Variants in BAIAP2 observed in about 807,000 individuals in gnomAD.
The protein encoded by BAIAP2 is BAR/IMD domain containing adaptor protein 2, also known as BAR/IMD domain-containing adapter protein 2.
Under a neutral mutation model 63.0 loss-of-function variants are expected in BAIAP2, and 18 were observed. That is an observed-to-expected ratio of 0.29 (90% CI 0.20 to 0.42). BAIAP2 has a LOEUF of 0.42. Ranked by LOEUF, BAIAP2 falls within the 10% of genes least tolerant of loss-of-function variation. The pLI is 1.00. For synonymous variants in BAIAP2, 386 were observed against 307.6 expected (o/e 1.25, Z -2.67); for missense variants, 610 against 734.3 (o/e 0.83, Z 1.96).
At chr17:81,037,494 C>T (rs1051342426) in intron 1 of BAIAP2, among the ~76,000 whole-genome samples, 1 of 152,226 alleles carries the variant, frequency 6.6e-6, no homozygotes, top group Non-Finnish European at 1.5e-5. Flanking sequence ...GGTTGGGCAG[C>T]TTTTGGCAAT....
intron 13 of BAIAP2, 69 bp downstream of exon 13, chr17:81,108,578 C>T (rs1568190529): frequency 3.8e-6 from 6 of 1,583,710 alleles, no homozygotes; most frequent in Non-Finnish European, 5.2e-6. Context: ...GGGCAGGTCC[C>T]TCTGCTAGGA....
intron 9 of BAIAP2, 141 bp from the exon 10 acceptor site, chr17:81,104,370 AGCT>A: frequency 2.1e-6 from 2 of 935,570 alleles, no homozygotes; most frequent in Non-Finnish European, 3.2e-6. Context: ...GGGAGCAGGT[AGCT>A]GCTGCTGCGG....
At position 81,100,645 on chromosome 17, in the gene BAIAP2, C is replaced by T. The variant is rs2058361327; in HGVS notation, c.642+565C>T. Among the ~76,000 whole-genome samples the T allele has an allele frequency of 4.6e-5, 7 of 152,310 alleles. No individual in the cohort carries two copies. In the South Asian group the frequency reaches 1.4e-3, roughly 32 times the overall value. On this transcript the variant is annotated intron_variant, in intron 7 of 13. Coordinates refer to ENST00000428708, the MANE Select transcript of BAIAP2 (RefSeq NM_001144888.2). ...CCTAGGCCACCCAAGACAACCATGACACTGGCCCCAGGTCCAGCAGCTGCC... is the reference window on the plus strand; with the variant it reads ...CCTAGGCCACCCAAGACAACCATGATACTGGCCCCAGGTCCAGCAGCTGCC...
At chr17:81,071,100 T>TGA (rs2052559666) in intron 3 of BAIAP2, among the ~76,000 whole-genome samples, 1 of 19,638 alleles carries the variant, frequency 5.1e-5, no homozygotes, top group Non-Finnish European at 2.0e-4. Context: ...CAGACATTGA[T>TGA]TTTTTTTTTT....
chr17:81,111,035 C>A, intron 13 of BAIAP2: 2 of 1,574,486 alleles, frequency 1.3e-6, no homozygotes, highest in Non-Finnish European at 1.7e-6. Context: ...CTCAGTCACG[C>A]AGCCTGGGTG....
At chr17:81,037,750 G>A (rs1385867880) in intron 1 of BAIAP2, among the ~76,000 whole-genome samples, 1 of 152,234 alleles carries the variant, frequency 6.6e-6, no homozygotes, top group Non-Finnish European at 1.5e-5. Flanking sequence ...CCCGCGATGC[G>A]GCTCAGCTGT....
chr17:81,114,057 TG>T (rs1291063012), intron 13 of BAIAP2, among the ~76,000 whole-genome samples: 12 of 147,548 alleles, frequency 8.1e-5, no homozygotes, highest in African/African-American at 3.0e-4. Context: ...CTCGCCCTCC[TG>T]GGTTCAAGCG....
chr17:81,104,871 C>G (rs1243445256), intron 10 of BAIAP2, among the ~76,000 whole-genome samples, 156 bp downstream of exon 10: 2 of 152,142 alleles, frequency 1.3e-5, no homozygotes, highest in Admixed American at 1.3e-4. Context: ...GCAAGCGTGA[C>G]CTGGGGTCTT....
At chr17:81,048,982 C>T (rs1319965270) in intron 1 of BAIAP2, among the ~76,000 whole-genome samples, 1 of 152,196 alleles carries the variant, frequency 6.6e-6, no homozygotes, top group African/African-American at 2.4e-5. Flanking sequence ...GGGCAGGACC[C>T]CCTTCATAGG....
intron 11 of BAIAP2, 79 bp downstream of exon 11, chr17:81,106,225 G>C: frequency 6.9e-7 from 1 of 1,441,676 alleles, no homozygotes; most frequent in Non-Finnish European, 9.5e-7. Context: ...CCTGGGCTTG[G>C]ATTGCTCGGC....
rs373627689 is a variant in BAIAP2, at chr17:81,104,499, C to T, written c.1067-15C>T. On this transcript the variant is annotated splice_polypyrimidine_tract_variant and intron_variant, in intron 9 of 13. Coordinates refer to ENST00000428708, the MANE Select transcript of BAIAP2 (RefSeq NM_001144888.2). ...AGCCAGGGGCAGTCCCCTTACCTGT[C>T]CCTTGTCCCAGCAGCCGAGAACAAG... is the stretch of plus-strand genomic sequence containing the variant. 35 of 1,580,830 alleles carry T rather than the reference C, an allele frequency of 2.2e-5. No homozygotes were observed. The African/African-American group carries it at 3.5e-4, about 16-fold the overall frequency.
rs2055299366 is a variant in BAIAP2, at chr17:81,084,898, G to A, written c.279+5G>A. 6.2e-7 allele frequency: 1 copy of A among 1,613,486 alleles called. No homozygotes were observed. The highest frequency in any genetic ancestry group is 1.1e-5 in the South Asian group (1 of 91,090). On this transcript the variant is annotated splice_donor_5th_base_variant and intron_variant, in intron 4 of 13. Coordinates refer to ENST00000428708, the MANE Select transcript of BAIAP2 (RefSeq NM_001144888.2). ...CAGAATCAGCTGGAAGAAATGGTGA[G>A]TCCACCCCCAGCGTGGCCCTGCGAG...
intron 1 of BAIAP2, among the ~76,000 whole-genome samples, chr17:81,043,961 G>A (rs533431211): frequency 3.3e-5 from 5 of 152,386 alleles, no homozygotes; most frequent in African/African-American, 1.2e-4. Flanking sequence ...GGTAAGTGGT[G>A]GCCACGATCG....
chr17:81,099,430 GGC>G (rs2058190458), intron 6 of BAIAP2, among the ~76,000 whole-genome samples: 1 of 90,852 alleles, frequency 1.1e-5, no homozygotes, highest in African/African-American at 3.0e-5. Flanking sequence ...TTCGTGCTGG[GGC>G]TGAGATGGCT....
chr17:81,090,263 C>T (rs545696045), intron 6 of BAIAP2, among the ~76,000 whole-genome samples: 3 of 152,344 alleles, frequency 2.0e-5, no homozygotes, highest in Non-Finnish European at 4.4e-5. Flanking sequence ...TGGCTTTCTC[C>T]CTCTTCTGAG....
At chr17:81,067,844 G>A (rs1428651564) in intron 3 of BAIAP2, among the ~76,000 whole-genome samples, 2 of 152,240 alleles carry the variant, frequency 1.3e-5, no homozygotes, top group Admixed American at 6.5e-5. Flanking sequence ...CCTGTCCCCC[G>A]GTTGGGGCAC....
chr17:81,035,190 A>ACCGCCGCCC lies in BAIAP2; in HGVS notation c.-58_-57insCCCCGCCGC, dbSNP rs1443134002. On this transcript the variant is annotated 5_prime_UTR_variant, in exon 1 of 14. Transcript: ENST00000428708. The stretch of plus-strand genomic sequence containing the variant: ...CTTTCGTCTCCGTCCTGCTGCCGTT[A>ACCGCCGCCC]CCGCCGCTGCTGCCGCCGCTTGCGT... 1 of 1,343,432 alleles carries ACCGCCGCCC rather than the reference A, an allele frequency of 7.4e-7. No homozygotes were observed. The highest frequency in any genetic ancestry group is 1.5e-5 in the African/African-American group (1 of 64,928). The allele number at this position is 1,343,432 out of a possible 1,614,324, so 83.2% of individuals were successfully genotyped here.
Position 81,100,022 on chromosome 17 carries a change from G to C in BAIAP2, c.584G>C (p.Cys195Ser). 1 of 1,612,930 alleles carries C rather than the reference G, an allele frequency of 6.2e-7. No homozygotes were observed. The highest frequency in any genetic ancestry group is 8.5e-7 in the Non-Finnish European group (1 of 1,179,940). The change falls in exon 7 of 14, where the codon TGC becomes TCC. Residue 195 changes from cysteine to serine, a missense_variant. This residue lies in a region of BAIAP2 where 389 missense variants were observed against 455.6 expected (regional missense o/e 0.85). Coordinates refer to ENST00000428708, the MANE Select transcript of BAIAP2 (RefSeq NM_001144888.2). Reference protein sequence around the residue: ...TALTEERRRFCFLVEKQCAVA... With the variant: ...TALTEERRRFSFLVEKQCAVA... ...CTGACAGAGGAGCGCAGGCGCTTCT[G>C]CTTCCTGGTGGAGAAGCAGTGCGCC... is the stretch of plus-strand genomic sequence containing the variant.
intron 1 of BAIAP2, among the ~76,000 whole-genome samples, chr17:81,052,363 C>G (rs2048808451): frequency 1.3e-5 from 2 of 152,364 alleles, no homozygotes; most frequent in South Asian, 4.1e-4. Context: ...GATGCTGCAT[C>G]CCCCACCCCC....
Sources: allele counts gnomAD v4.1 joint callset (sites outside exome capture counted in the v4.1 genomes callset), GRCh38; gene constraint gnomAD v4.1.1; regional missense constraint gnomAD v4.1.1; transcripts MANE v1.5; gene names NCBI Gene and HGNC (gene_info 2026-07-23, HGNC 2026-07-21).